The following EEF2K variants were observed in gnomAD, a reference collection of about 807,000 sequenced individuals.
EEF2K encodes the protein eukaryotic elongation factor 2 kinase, also known as alternative protein EEF2K.
In EEF2K, 70 loss-of-function variants were observed where a neutral mutation model predicts 93.8. The ratio of observed to expected loss-of-function variants is 0.75; its 90% confidence interval spans 0.62 to 0.91. The LOEUF (loss-of-function observed/expected upper bound fraction) is 0.91. Ranked by LOEUF, EEF2K falls within the 40% of genes least tolerant of loss-of-function variation. EEF2K has a pLI of 0.00. For synonymous variants in EEF2K, 376 were observed against 380.8 expected, an observed-to-expected ratio of 0.99 and a Z score of 0.15; for missense variants, 935 against 972.9, an observed-to-expected ratio of 0.96 and a Z score of 0.52.
rs146493581 is a variant in EEF2K, at chr16:22,275,385, C to T, written c.1889+1635C>T. 2.6e-5 allele frequency among the ~76,000 whole-genome samples: 4 copies of T among 152,086 alleles called. No homozygotes were observed. In the East Asian group the frequency reaches 5.8e-4, roughly 22 times the overall value. Reference sequence around the variant, plus strand: ...TGAGATGGACTCTCACTCTGTCAAACAGGCTTGAATGCACTGGTGCAACCT... The same window carrying T: ...TGAGATGGACTCTCACTCTGTCAAATAGGCTTGAATGCACTGGTGCAACCT... On this transcript the variant is annotated intron_variant, in intron 16 of 17. Coordinates refer to ENST00000263026, the MANE Select transcript of EEF2K (RefSeq NM_013302.5).
chr16:22,208,487 A>C (rs1340134646), intron 1 of EEF2K, among the ~76,000 whole-genome samples: 1 of 152,202 alleles, frequency 6.6e-6, no homozygotes. Context: ...CTGAGATTGC[A>C]CCACTGCACT....
intron 2 of EEF2K, among the ~76,000 whole-genome samples, chr16:22,242,923 T>C (rs896086427): frequency 6.6e-6 from 1 of 151,874 alleles, no homozygotes; most frequent in Non-Finnish European, 1.5e-5. Context: ...ACCCTGTCCC[T>C]ACAGAAAATT....
At chr16:22,258,888 A>G (rs979236310) in intron 10 of EEF2K, 193 bp downstream of exon 10, 3 of 623,348 alleles carry the variant, frequency 4.8e-6, no homozygotes, top group East Asian at 3.0e-5. Flanking sequence ...AACAACCCCT[A>G]TTGTAGGAAA....
intron 2 of EEF2K, among the ~76,000 whole-genome samples, chr16:22,234,939 G>A (rs1238379147): frequency 7.1e-6 from 1 of 141,772 alleles, no homozygotes; most frequent in Non-Finnish European, 1.5e-5. Context: ...GGAGTGCAGT[G>A]GTGCCATCTC....
intron 1 of EEF2K, among the ~76,000 whole-genome samples, chr16:22,223,039 T>G (rs1038158539): frequency 2.7e-4 from 41 of 152,116 alleles, no homozygotes; most frequent in African/African-American, 9.9e-4. Context: ...ACCTCCATCC[T>G]CAGGCAACCA....
chr16:22,234,857 A>G (rs1487114047), intron 2 of EEF2K, among the ~76,000 whole-genome samples: 1 of 147,056 alleles, frequency 6.8e-6, no homozygotes, highest in East Asian at 2.0e-4. Flanking sequence ...TTCTTTTGCT[A>G]AGCATAATGT....
At chr16:22,270,227 T>A (rs1375597432) in intron 15 of EEF2K, among the ~76,000 whole-genome samples, 4 of 152,024 alleles carry the variant, frequency 2.6e-5, no homozygotes, top group Non-Finnish European at 4.4e-5. Context: ...CAAGCAATTC[T>A]CCTGCCTTGG....
intron 1 of EEF2K, among the ~76,000 whole-genome samples, chr16:22,212,053 G>A (rs1435792743): frequency 6.6e-6 from 1 of 152,026 alleles, no homozygotes; most frequent in African/African-American, 2.4e-5. Context: ...CATGCAGAGA[G>A]TGCCCAGCAA....
At chr16:22,233,018 A>G (rs1240123324) in intron 2 of EEF2K, among the ~76,000 whole-genome samples, 1 of 152,226 alleles carries the variant, frequency 6.6e-6, no homozygotes, top group Non-Finnish European at 1.5e-5. Context: ...TGTCAAGCCC[A>G]GCCTTCTGCC....
intron 1 of EEF2K, among the ~76,000 whole-genome samples, chr16:22,218,244 G>T (rs1257367171): frequency 6.6e-6 from 1 of 152,220 alleles, no homozygotes; most frequent in Non-Finnish European, 1.5e-5. Context: ...AGAAGCTGGT[G>T]CGTGATTCCA....
At chr16:22,217,057 C>T (rs1598161325) in intron 1 of EEF2K, among the ~76,000 whole-genome samples, 1 of 147,094 alleles carries the variant, frequency 6.8e-6, no homozygotes, top group East Asian at 2.0e-4. Flanking sequence ...GCTACTCCGG[C>T]GGCTTATATG....
intron 2 of EEF2K, among the ~76,000 whole-genome samples, chr16:22,241,661 A>T (rs1252496253): frequency 6.7e-6 from 1 of 149,206 alleles, no homozygotes; most frequent in Non-Finnish European, 1.5e-5. Context: ...AAAAAAAAAA[A>T]ACATATAGAA....
intron 2 of EEF2K, among the ~76,000 whole-genome samples, chr16:22,230,700 A>T (rs928753497): frequency 6.6e-6 from 1 of 152,066 alleles, no homozygotes; most frequent in African/African-American, 2.4e-5. Context: ...TTTTAAAAAA[A>T]TTTTTTGTAG....
intron 2 of EEF2K, among the ~76,000 whole-genome samples, chr16:22,240,443 G>A (rs2047210736): frequency 6.6e-6 from 1 of 152,130 alleles, no homozygotes; most frequent in Non-Finnish European, 1.5e-5. Flanking sequence ...GATTTTAAAT[G>A]TGATCCAGCA....
At chr16:22,272,277 C>T (rs2047589535) in intron 15 of EEF2K, among the ~76,000 whole-genome samples, 3 of 152,118 alleles carry the variant, frequency 2.0e-5, no homozygotes, top group Admixed American at 2.0e-4. Flanking sequence ...TGGAAAACAA[C>T]CCAAATGTCT....
intron 2 of EEF2K, among the ~76,000 whole-genome samples, chr16:22,231,415 C>T (rs532705514): frequency 6.6e-6 from 1 of 152,010 alleles, no homozygotes; most frequent in Non-Finnish European, 1.5e-5. Flanking sequence ...CACGCCCGAC[C>T]TGATCCTATT....
At chr16:22,249,672 A>G (rs1358235394) in intron 4 of EEF2K, among the ~76,000 whole-genome samples, 1 of 151,710 alleles carries the variant, frequency 6.6e-6, no homozygotes, top group Non-Finnish European at 1.5e-5. Context: ...GGGGTACATG[A>G]TCTTGCCTTA....
intron 17 of EEF2K, among the ~76,000 whole-genome samples, chr16:22,280,768 G>A (rs1226703693): frequency 1.3e-5 from 2 of 151,042 alleles, no homozygotes; most frequent in Non-Finnish European, 2.9e-5. Flanking sequence ...GAGTTCCAGC[G>A]ATTCTCCTGC....
intron 3 of EEF2K, among the ~76,000 whole-genome samples, chr16:22,246,248 A>G (rs2047289629): frequency 6.6e-6 from 1 of 152,128 alleles, no homozygotes; most frequent in African/African-American, 2.4e-5. Flanking sequence ...AAGACTGGGC[A>G]TGGTGGCTCA....
Sources: allele counts gnomAD v4.1 joint callset (sites outside exome capture counted in the v4.1 genomes callset), GRCh38; gene constraint gnomAD v4.1.1; transcripts MANE v1.5; gene names NCBI Gene and HGNC (gene_info 2026-07-23, HGNC 2026-07-21).